The following DMD variants were observed in gnomAD, a reference collection of about 807,000 sequenced individuals.
The protein encoded by DMD is mutant dystrophin.
DMD carries 63 observed loss-of-function variants against 330.1 expected under a neutral mutation model. The ratio of observed to expected loss-of-function variants is 0.19; its 90% CI spans 0.16 to 0.24. DMD has a LOEUF of 0.24. DMD is among the 10% of genes least tolerant of loss of function. The pLI is 1.00. For missense variants in DMD, 3,344 were observed against 2,684.1 expected, an observed-to-expected ratio of 1.25 and a Z score of -5.43; for synonymous variants, 1,223 against 959.8, an observed-to-expected ratio of 1.27 and a Z score of -5.07.
At position 32,549,420 on chromosome X, in the gene DMD, T is replaced by C. The variant is rs772651321; in HGVS notation, c.1993-4086A>G. ...GTTTTCAAGCTCTGCTTCCACTGTC[T>C]TGAAATTCTTAGGTCTTGAACAGGA... On this transcript the variant is annotated intron_variant, in intron 16 of 78. Transcript: ENST00000357033. Among the ~76,000 whole-genome samples, 11 of 111,902 alleles carry C rather than the reference T, an allele frequency of 9.8e-5. No homozygotes were observed. In the East Asian group the frequency reaches 3.1e-3, roughly 32 times the overall value.
intron 47 of DMD, 143 bp downstream of exon 47, chrX:31,929,453 A>C (rs2094824408): frequency 1.4e-6 from 1 of 704,592 alleles, no homozygotes. Flanking sequence ...AGCCAAAGCA[A>C]ACGGTCAGGT....
chrX:32,655,392 T>G (rs922039350), intron 9 of DMD, among the ~76,000 whole-genome samples: 1 of 112,533 alleles, frequency 8.9e-6, no homozygotes, highest in Non-Finnish European at 1.9e-5. Flanking sequence ...CATTTCGTTA[T>G]GTACCCAGTA....
chrX:31,374,078 C>T (rs1489771276), intron 60 of DMD, among the ~76,000 whole-genome samples: 3 of 97,945 alleles, frequency 3.1e-5, no homozygotes, highest in East Asian at 6.4e-4. Context: ...AAAATGCTCA[C>T]CATCACTGGC....
intron 63 of DMD, among the ~76,000 whole-genome samples, chrX:31,251,188 G>A (rs1263193587): frequency 1.1e-4 from 12 of 106,131 alleles, no homozygotes; most frequent in Non-Finnish European, 2.1e-4. Context: ...CTAAGACAAC[G>A]TCTTGCTATA....
chrX:32,657,325 A>G (rs1179194967), intron 9 of DMD, among the ~76,000 whole-genome samples: 1 of 111,970 alleles, frequency 8.9e-6, no homozygotes, highest in African/African-American at 3.2e-5. Flanking sequence ...ACCCAATATA[A>G]AAGATTTCTT....
intron 2 of DMD, among the ~76,000 whole-genome samples, chrX:32,854,965 A>T (rs1170354658): frequency 8.9e-6 from 1 of 112,075 alleles, no homozygotes; most frequent in Non-Finnish European, 1.9e-5. Context: ...ACACAACATT[A>T]AAAAGGTCAT....
chrX:32,141,374 T>G lies in DMD; in HGVS notation c.6438+75542A>C, dbSNP rs2096752129. 2.7e-5 allele frequency among the ~76,000 whole-genome samples: 3 copies of G among 110,734 alleles called. No homozygotes were observed. The South Asian group carries it at 1.1e-3, about 42-fold the overall frequency. On this transcript the variant is annotated intron_variant, in intron 44 of 78. Coordinates refer to ENST00000357033, the MANE Select transcript of DMD (RefSeq NM_004006.3). The stretch of plus-strand genomic sequence containing the variant: ...TCACTTGAACCCGGGAGGTGGAGGT[T>G]GCAGTGAGCCGAGATCATACCACTG...
chrX:32,984,014 G>A (rs1430897401), intron 2 of DMD, among the ~76,000 whole-genome samples: 1 of 111,347 alleles, frequency 9.0e-6, no homozygotes, highest in Non-Finnish European at 1.9e-5. Context: ...TTAAAGCTAT[G>A]TCCTTTACCG....
rs2081061616 is a variant in DMD at position 32,850,619 on chromosome X, T to A, written c.94-799A>T. ...AATGGGGTAAAGCCAAAATTATGGC[T>A]CAGATCTGTCTAATTCTGGGTTCTT... On this transcript the variant is annotated intron_variant, in intron 2 of 78. Transcript: ENST00000357033. 4.5e-5 allele frequency among the ~76,000 whole-genome samples: 5 copies of A among 111,519 alleles called. No homozygotes were observed. In the South Asian group the frequency reaches 1.9e-3, roughly 42 times the overall value.
At chrX:32,486,527 G>T (rs999002412) in intron 20 of DMD, among the ~76,000 whole-genome samples, 18 of 110,797 alleles carry the variant, frequency 1.6e-4, no homozygotes, top group Admixed American at 2.9e-4. Context: ...AACCAAAAAA[G>T]AGCCCGCATC....
intron 43 of DMD, among the ~76,000 whole-genome samples, chrX:32,252,773 A>AAT (rs1409033219): frequency 0.21 from 7,563 of 35,762 alleles, 905 homozygotes; most frequent in African/African-American, 0.27. Context: ...AATATATATA[A>AAT]ATATATATAA....
rs1431314610 is a variant in DMD, at chrX:32,395,521, C to T, written c.4234-5340G>A. On this transcript the variant is annotated intron_variant, in intron 30 of 78. Transcript: ENST00000357033. ...CACCAACATGTCACATGGATACATA[C>T]GTAACAAACCTGCATGTTGTGCACA... Among the ~76,000 whole-genome samples the T allele has an allele frequency of 3.6e-5, 4 of 110,885 alleles. No individual in the cohort carries two copies. In the East Asian group the frequency reaches 8.5e-4, roughly 24 times the overall value.
Position 32,090,869 on chromosome X carries a change from C to T in DMD, c.6439-122355G>A, listed in dbSNP as rs745320887. ...TCAACACAGGCCATCCTATGAGGTG[C>T]TGTCTGAGAGGCCAGTCAACCTCTC... is the stretch of plus-strand genomic sequence containing the variant. On this transcript the variant is annotated intron_variant, in intron 44 of 78. Transcript: ENST00000357033. Among the ~76,000 whole-genome samples, 8 of 111,366 alleles carry T rather than the reference C, an allele frequency of 7.2e-5. No homozygotes were observed. In the South Asian group the frequency reaches 3.0e-3, roughly 42 times the overall value.
intron 4 of DMD, among the ~76,000 whole-genome samples, chrX:32,838,019 T>C (rs1356552521): frequency 7.1e-5 from 8 of 112,186 alleles, no homozygotes; most frequent in Non-Finnish European, 1.9e-5. Flanking sequence ...AGAAAATCAC[T>C]ATTAAACCTA....
chrX:32,452,317 GAAAGT>G (rs2098333484), intron 26 of DMD, among the ~76,000 whole-genome samples: 6 of 15,541 alleles, frequency 3.9e-4, no homozygotes, highest in African/African-American at 1.5e-3. Flanking sequence ...AAGTGAAAGT[GAAAGT>G]GAAAGTGAAA....
intron 50 of DMD, among the ~76,000 whole-genome samples, chrX:31,795,436 C>T (rs1486339897): frequency 1.8e-5 from 2 of 111,679 alleles, no homozygotes; most frequent in African/African-American, 3.3e-5. Context: ...AATTATGTTA[C>T]CCATTTGTTG....
At chrX:31,306,703 A>C (rs2055062340) in intron 62 of DMD, among the ~76,000 whole-genome samples, 1 of 112,128 alleles carries the variant, frequency 8.9e-6, no homozygotes, top group South Asian at 3.7e-4. Flanking sequence ...TGGTACAGTC[A>C]AGCATGAATC....
chrX:32,598,104 A>G (rs1193624499), intron 12 of DMD, among the ~76,000 whole-genome samples: 2 of 111,885 alleles, frequency 1.8e-5, no homozygotes, highest in African/African-American at 6.5e-5. Context: ...TAGGCTTCTT[A>G]TTTTCGAAGC....
chrX:32,765,250 T>C (rs1015204105), intron 7 of DMD, among the ~76,000 whole-genome samples: 3 of 111,004 alleles, frequency 2.7e-5, no homozygotes, highest in Non-Finnish European at 3.8e-5. Flanking sequence ...TGGGAGGTGA[T>C]TGGATCACTG....
Sources: allele counts gnomAD v4.1 joint callset (sites outside exome capture counted in the v4.1 genomes callset), GRCh38; gene constraint gnomAD v4.1.1; transcripts MANE v1.5; gene names NCBI Gene and HGNC (gene_info 2026-07-23, HGNC 2026-07-21).